ZDHHC20: variants seen among roughly 807,000 people sequenced by gnomAD.
ZDHHC20 encodes the protein palmitoyltransferase ZDHHC20.
In ZDHHC20, 43 loss-of-function variants were observed where a neutral mutation model predicts 57.8. That is an observed-to-expected ratio of 0.74 (90% confidence interval 0.58 to 0.96). ZDHHC20 has a LOEUF of 0.96. Among genes scored for constraint, ZDHHC20 ranks in the 40% least tolerant of loss-of-function variants. The probability of loss-of-function intolerance (pLI) is 0.00; values close to 1 mark genes in which losing one functional copy is unlikely to be tolerated. For synonymous variants in ZDHHC20, 157 were observed against 153.0 expected (o/e 1.03, Z -0.19); for missense variants, 391 against 441.1 (o/e 0.89, Z 1.02).
intron 7 of ZDHHC20, 93 bp from the exon 8 acceptor site, chr13:21,391,947 C>A (rs1324036749): frequency 3.7e-6 from 5 of 1,353,258 alleles, no homozygotes. Context: ...TATCAAAATA[C>A]TTGCCATATT....
At chr13:21,393,063 T>C (rs1200824760) in intron 7 of ZDHHC20, among the ~76,000 whole-genome samples, 1 of 152,208 alleles carries the variant, frequency 6.6e-6, no homozygotes, top group Non-Finnish European at 1.5e-5. Flanking sequence ...ACTAGTTTTA[T>C]AAATCCTGTT....
In ZDHHC20 at chr13:21,459,056, A is replaced by G; in HGVS notation, c.116T>C (p.Val39Ala). 6.3e-7 allele frequency: 1 copy of G among 1,595,240 alleles called. No homozygotes were observed. The highest frequency in any genetic ancestry group is 8.5e-7 in the Non-Finnish European group (1 of 1,172,146). ...SYYAYVVELC[V>A]FTIFGNEENG... ...CAGTCCCCGGGGACGGTACTCACAC[A>G]CGCAGAGCTCCACCACGTACGCGTA... Residue 39 changes from valine to alanine, a missense_variant and splice_region_variant, in exon 1 of 13, where the codon GTG (valine) becomes GCG (alanine). Around this residue, in one of 3 missense-constraint regions of ZDHHC20, gnomAD observed 185 missense variants for 188.0 expected, o/e 0.98. Transcript: ENST00000400590.
At chr13:21,394,898 T>C (rs140050751) in intron 7 of ZDHHC20, among the ~76,000 whole-genome samples, 226 of 152,254 alleles carry the variant, frequency 1.5e-3, no homozygotes, top group African/African-American at 4.6e-3. Flanking sequence ...TGGTTTTACA[T>C]ACCCAAACTT....
At position 21,391,863 on chromosome 13, in the gene ZDHHC20, A is replaced by C; in HGVS notation, c.595-9T>G. 1.2e-6 allele frequency: 2 copies of C among 1,605,926 alleles called. No individual in the cohort carries two copies. The highest frequency in any genetic ancestry group is 1.7e-6 in the Non-Finnish European group (2 of 1,176,976). ...GTATCTGTCAGTTCATTCTGAGGAA[A>C]AAAAGAAGTTAATTTTGAGGTCAAC... On this transcript the variant is annotated splice_polypyrimidine_tract_variant and intron_variant, in intron 7 of 12. Coordinates refer to ENST00000400590, the MANE Select transcript of ZDHHC20 (RefSeq NM_001330059.2).
rs12585899 is a variant in ZDHHC20 at position 21,429,453 on chromosome 13, C to T, written c.119-3775G>A. Among the ~76,000 whole-genome samples the T allele has an allele frequency of 3.1e-3, 468 of 152,248 alleles. 2 individuals are homozygous for T. The highest frequency in any genetic ancestry group is 0.01 in the African/African-American group (432 of 41,534). ...ATGTACTACTTCCTTCTAAATTCCACGGTTTCTGATGACAAATCTGCTGTT... is the reference window on the plus strand; with the variant it reads ...ATGTACTACTTCCTTCTAAATTCCATGGTTTCTGATGACAAATCTGCTGTT... On this transcript the variant is annotated intron_variant, in intron 1 of 12. Coordinates refer to ENST00000400590, the MANE Select transcript of ZDHHC20 (RefSeq NM_001330059.2).
At chr13:21,413,899 A>ACTTAACTGTT in intron 3 of ZDHHC20, 127 bp from the exon 4 acceptor site, 34 of 741,678 alleles carry the variant, frequency 4.6e-5, no homozygotes, top group Non-Finnish European at 6.6e-5. Flanking sequence ...TTGTCTTCAA[A>ACTTAACTGTT]AAAAAGCAGA....
At chr13:21,404,351 TA>T in intron 4 of ZDHHC20, 1 of 492,916 alleles carries the variant, frequency 2.0e-6, no homozygotes, top group Non-Finnish European at 4.1e-6. Flanking sequence ...GCCTAGTTCA[TA>T]AATCATTAAT....
At chr13:21,385,046 G>A (rs1348934555) in intron 9 of ZDHHC20, among the ~76,000 whole-genome samples, 3 of 152,032 alleles carry the variant, frequency 2.0e-5, no homozygotes, top group African/African-American at 4.8e-5. Flanking sequence ...GATTATAAAT[G>A]TACCTGTGAA....
In ZDHHC20 at chr13:21,372,878, GT is replaced by G. The variant is rs1871432700; in HGVS notation, c.*3817del. 1 of 152,152 alleles carries G rather than the reference GT, an allele frequency of 6.6e-6. No homozygotes were observed. Among genetic ancestry groups the G allele is most frequent in the Non-Finnish European group, 1.5e-5 (1 of 67,992 alleles). The allele number at this position is 152,152 out of a possible 1,614,324, so 9.4% of individuals were successfully genotyped here. A position where few individuals can be genotyped will look rare whatever the true frequency, so the allele number is the denominator to read the frequency against. Reference sequence around the variant, plus strand: ...CGGGCATAGACTCATTTGCAGTCATGTACAAATATACCTAATAGCTTTCTTC... The same window carrying G: ...CGGGCATAGACTCATTTGCAGTCATGACAAATATACCTAATAGCTTTCTTC... On this transcript the variant is annotated 3_prime_UTR_variant, in exon 13 of 13. Transcript: ENST00000400590.
chr13:21,374,741 A>G lies in ZDHHC20; in HGVS notation c.*1955T>C, dbSNP rs974475680. 18 of 241,474 alleles carry G rather than the reference A, an allele frequency of 7.5e-5. No individual in the cohort carries two copies. The highest frequency in any genetic ancestry group is 3.2e-4 in the African/African-American group (14 of 44,154). The allele number at this position is 241,474 out of a possible 1,614,324, so 15.0% of individuals were successfully genotyped here. ...ATGGAAATTAGGCCAAATTATAAAC[A>G]AATTATAAACCTACAGTAGCAACCA... On this transcript the variant is annotated 3_prime_UTR_variant, in exon 13 of 13. Transcript: ENST00000400590.
chr13:21,419,881 T>G (rs1416600906), intron 3 of ZDHHC20, among the ~76,000 whole-genome samples: 1 of 152,234 alleles, frequency 6.6e-6, no homozygotes, highest in African/African-American at 2.4e-5. Flanking sequence ...TTTTTAAACA[T>G]ATGGTCTATA....
At chr13:21,392,600 T>C (rs1237538202) in intron 7 of ZDHHC20, among the ~76,000 whole-genome samples, 3 of 152,220 alleles carry the variant, frequency 2.0e-5, no homozygotes, top group Non-Finnish European at 4.4e-5. Flanking sequence ...CTTATGGCTA[T>C]ATACATTTTA....
At position 21,374,029 on chromosome 13, in the gene ZDHHC20, AT is replaced by A. The variant is rs1271976312; in HGVS notation, c.*2666del. 1 of 152,920 alleles carries A rather than the reference AT, an allele frequency of 6.5e-6. No individual in the cohort carries two copies. Among genetic ancestry groups the A allele is most frequent in the Non-Finnish European group, 1.5e-5 (1 of 68,432 alleles). The allele number at this position is 152,920 out of a possible 1,614,324, so 9.5% of individuals were successfully genotyped here. A position where few individuals can be genotyped will look rare whatever the true frequency, so the allele number is the denominator to read the frequency against. ...TAAAAGAACTGAGAAAGACTATACC[AT>A]GAAAGTGCATAATAGTGAAGAAAAA... On this transcript the variant is annotated 3_prime_UTR_variant, in exon 13 of 13. Transcript: ENST00000400590.
At chr13:21,394,123 A>G (rs553736376) in intron 7 of ZDHHC20, among the ~76,000 whole-genome samples, 41 of 152,264 alleles carry the variant, frequency 2.7e-4, no homozygotes, top group African/African-American at 8.2e-4. Flanking sequence ...CTGCTAGTAA[A>G]AGCCACAGTC....
intron 3 of ZDHHC20, among the ~76,000 whole-genome samples, chr13:21,416,203 CAAAAAAA>C (rs55796229): frequency 1.4e-5 from 1 of 71,746 alleles, no homozygotes; most frequent in Non-Finnish European, 2.7e-5. Flanking sequence ...GACTCCATCT[CAAAAAAA>C]AAAAAAAAAA....
At chr13:21,419,587 G>T (rs1485218626) in intron 3 of ZDHHC20, among the ~76,000 whole-genome samples, 1 of 152,196 alleles carries the variant, frequency 6.6e-6, no homozygotes, top group African/African-American at 2.4e-5. Flanking sequence ...GAATGTTAAT[G>T]AAAGAAGCCA....
At chr13:21,430,138 A>G (rs762015139) in intron 1 of ZDHHC20, among the ~76,000 whole-genome samples, 1 of 151,970 alleles carries the variant, frequency 6.6e-6, no homozygotes, top group Admixed American at 6.6e-5. Context: ...ATGGTTTTCA[A>G]TTGTATCCTG....
chr13:21,378,667 C>G lies in ZDHHC20; in HGVS notation c.*34G>C, dbSNP rs568474708. ...TACCTTTATACTGTCTTACCTTGCT[C>G]TTATTCAAATGGTTAGTTATGAACA... On this transcript the variant is annotated 3_prime_UTR_variant, in exon 12 of 13. Transcript: ENST00000400590. 1.1e-4 allele frequency: 151 copies of G among 1,426,804 alleles called. No homozygotes were observed. The African/African-American group carries it at 1.9e-3, about 18-fold the overall frequency. 88.4% of individuals were successfully genotyped at this position (1,426,804 alleles called of 1,614,324 possible).
intron 3 of ZDHHC20, among the ~76,000 whole-genome samples, chr13:21,418,828 C>T (rs574686934): frequency 1.3e-5 from 2 of 152,240 alleles, no homozygotes; most frequent in Non-Finnish European, 1.5e-5. Flanking sequence ...TGCATGCCAC[C>T]ATGCCCAGCT....
Sources: allele counts gnomAD v4.1 joint callset (sites outside exome capture counted in the v4.1 genomes callset), GRCh38; gene constraint gnomAD v4.1.1; regional missense constraint gnomAD v4.1.1; transcripts MANE v1.5; gene names NCBI Gene and HGNC (gene_info 2026-07-23, HGNC 2026-07-21).